BRMS1L: variants seen among roughly 807,000 people sequenced by gnomAD.
The protein encoded by BRMS1L is BRMS1 like transcriptional repressor.
BRMS1L carries 23 observed loss-of-function variants against 50.3 expected under a neutral mutation model. That is an observed-to-expected ratio of 0.46 (90% CI 0.33 to 0.65). BRMS1L has a LOEUF of 0.65. BRMS1L is among the 30% of genes least tolerant of loss of function. BRMS1L has a pLI of 0.02. For missense variants in BRMS1L, 286 were observed against 386.1 expected (o/e 0.74, Z 2.17); for synonymous variants, 114 against 126.9 (o/e 0.90, Z 0.69).
intron 1 of BRMS1L, 72 bp from the exon 2 acceptor site, chr14:35,831,338 C>A: frequency 9.7e-7 from 1 of 1,027,706 alleles, no homozygotes; most frequent in Non-Finnish European, 1.5e-6. Flanking sequence ...GAATTACGTT[C>A]AGATATATTT....
At chr14:35,838,012 A>T (rs1416035449) in intron 4 of BRMS1L, among the ~76,000 whole-genome samples, 3 of 152,008 alleles carry the variant, frequency 2.0e-5, no homozygotes, top group Non-Finnish European at 4.4e-5. Flanking sequence ...TCCTAATGCT[A>T]TTCCTCCCCT....
At chr14:35,841,816 T>C (rs192937553) in intron 4 of BRMS1L, among the ~76,000 whole-genome samples, 170 of 152,336 alleles carry the variant, frequency 1.1e-3, no homozygotes, top group Non-Finnish European at 3.5e-4. Flanking sequence ...AGTCTCTTTG[T>C]AGGTCTCTAA....
At position 35,827,355 on chromosome 14, in the gene BRMS1L, A is replaced by G. The variant is rs1204124510; in HGVS notation, c.142+697A>G. Among the ~76,000 whole-genome samples the G allele has an allele frequency of 2.6e-5, 4 of 152,298 alleles. No homozygotes were observed. In the Middle Eastern group the frequency reaches 0.01, roughly 389 times the overall value. On this transcript the variant is annotated intron_variant, in intron 1 of 9. Coordinates refer to ENST00000216807, the MANE Select transcript of BRMS1L (RefSeq NM_032352.4). ...GGGAGGAGGGCAGATTAACACTACA[A>G]ATAAATTTTGCAAACTTTTAGGAAT...
intron 2 of BRMS1L, 59 bp from the exon 3 acceptor site, chr14:35,832,919 C>A (rs2077942908): frequency 1.4e-6 from 2 of 1,465,078 alleles, no homozygotes; most frequent in South Asian, 1.3e-5. Flanking sequence ...ATAGAAATGG[C>A]AAATTGTTAG....
At chr14:35,829,900 C>T (rs910478855) in intron 1 of BRMS1L, 1 of 1,113,274 alleles carries the variant, frequency 9.0e-7, no homozygotes, top group Admixed American at 4.7e-5. Context: ...GACTATAGGA[C>T]AGACCTGGTA....
intron 4 of BRMS1L, among the ~76,000 whole-genome samples, chr14:35,850,937 C>G (rs1380880022): frequency 6.6e-6 from 1 of 152,176 alleles, no homozygotes; most frequent in East Asian, 1.9e-4. Flanking sequence ...TTCAACTAAT[C>G]CTAGACCCAC....
chr14:35,863,751 T>C (rs2078383403), intron 5 of BRMS1L, 119 bp from the exon 6 acceptor site: 2 of 787,770 alleles, frequency 2.5e-6, no homozygotes, highest in Non-Finnish European at 4.2e-6. Flanking sequence ...TATACCCAGC[T>C]GCCAATGAAG....
chr14:35,827,108 A>T (rs761719325), intron 1 of BRMS1L, among the ~76,000 whole-genome samples: 21 of 152,192 alleles, frequency 1.4e-4, no homozygotes, highest in African/African-American at 1.9e-4. Context: ...GCCGGTCAGC[A>T]CTTTTACATC....
chr14:35,843,627 TGGGA>T (rs2078094865), intron 4 of BRMS1L, among the ~76,000 whole-genome samples: 2 of 152,326 alleles, frequency 1.3e-5, no homozygotes, highest in East Asian at 3.9e-4. Flanking sequence ...CCACCCCGGC[TGGGA>T]GGTGTCTCCC....
chr14:35,856,476 G>A (rs192077908), intron 4 of BRMS1L, among the ~76,000 whole-genome samples: 5 of 152,130 alleles, frequency 3.3e-5, no homozygotes, highest in East Asian at 3.9e-4. Context: ...TGATCTTTTC[G>A]TTGTTTATTC....
chr14:35,853,959 A>G (rs564327763), intron 4 of BRMS1L, among the ~76,000 whole-genome samples: 2 of 152,260 alleles, frequency 1.3e-5, no homozygotes. Context: ...AGAATCTAAA[A>G]ATTATTAACT....
At chr14:35,858,104 C>T (rs1030620340) in intron 4 of BRMS1L, among the ~76,000 whole-genome samples, 2 of 151,868 alleles carry the variant, frequency 1.3e-5, no homozygotes, top group African/African-American at 4.8e-5. Context: ...AACTGCTTCT[C>T]GTTTTAAAGT....
At chr14:35,838,220 T>A (rs2078018707) in intron 4 of BRMS1L, among the ~76,000 whole-genome samples, 2 of 152,238 alleles carry the variant, frequency 1.3e-5, no homozygotes, top group African/African-American at 4.8e-5. Flanking sequence ...TTTCTATGGC[T>A]GCATAGTATT....
chr14:35,865,173 A>G (rs2078405252), intron 7 of BRMS1L, among the ~76,000 whole-genome samples, 174 bp downstream of exon 7: 1 of 152,224 alleles, frequency 6.6e-6, no homozygotes, highest in South Asian at 2.1e-4. Context: ...AGGATATTTT[A>G]AGAGTTAGAG....
chr14:35,841,321 AT>A lies in BRMS1L; in HGVS notation c.441+6407del, dbSNP rs1011354659. Among the ~76,000 whole-genome samples the A allele has an allele frequency of 5.3e-5, 8 of 149,568 alleles. No individual in the cohort carries two copies. In the East Asian group the frequency reaches 7.8e-4, roughly 15 times the overall value. ...TTTAAATTTTATGTTATTTTATTTT[AT>A]TTTTTTTTGAGATGGAGTCTTGCTC... is the stretch of plus-strand genomic sequence containing the variant. On this transcript the variant is annotated intron_variant, in intron 4 of 9. Transcript: ENST00000216807.
chr14:35,832,268 G>C (rs1403003356), intron 2 of BRMS1L, among the ~76,000 whole-genome samples: 2 of 140,768 alleles, frequency 1.4e-5, no homozygotes, highest in African/African-American at 5.6e-5. Flanking sequence ...ATTTTGGGAG[G>C]CTGAGGCGGG....
rs1030142550 is a variant in BRMS1L, at chr14:35,871,366, A to G, written c.*889A>G. ...TAATTTTATTCCTAGGGCAAAGTAG[A>G]CAGGGATTATTTCCTTGAATCTATT... On this transcript the variant is annotated 3_prime_UTR_variant, in exon 10 of 10. Coordinates refer to ENST00000216807, the MANE Select transcript of BRMS1L (RefSeq NM_032352.4). 18 of 152,662 alleles carry G rather than the reference A, an allele frequency of 1.2e-4. No homozygotes were observed. Among genetic ancestry groups the G allele is most frequent in the African/African-American group, 4.3e-4 (18 of 41,460 alleles). The allele number at this position is 152,662 out of a possible 1,614,324, so 9.5% of individuals were successfully genotyped here.
In BRMS1L at chr14:35,826,405, G is replaced by C; in HGVS notation, c.-112G>C. On this transcript the variant is annotated 5_prime_UTR_variant, in exon 1 of 10. Transcript: ENST00000216807. ...GGGCCGGGGGCGGGGAGGAGCCAAG[G>C]GGGCGAGCAAGCTCGGTGGCTGGGT... 1 of 1,495,696 alleles carries C rather than the reference G, an allele frequency of 6.7e-7. No individual in the cohort carries two copies. The allele number at this position is 1,495,696 out of a possible 1,614,324, so 92.7% of individuals were successfully genotyped here.
chr14:35,838,817 G>C (rs2078025622), intron 4 of BRMS1L, among the ~76,000 whole-genome samples: 1 of 152,090 alleles, frequency 6.6e-6, no homozygotes, highest in Non-Finnish European at 1.5e-5. Flanking sequence ...CCATTCTGTA[G>C]GTTGCCTGTT....
Sources: allele counts gnomAD v4.1 joint callset (sites outside exome capture counted in the v4.1 genomes callset), GRCh38; gene constraint gnomAD v4.1.1; transcripts MANE v1.5; gene names NCBI Gene and HGNC (gene_info 2026-07-23, HGNC 2026-07-21).